GALNTL6: variants seen among roughly 807,000 people sequenced by gnomAD.
GALNTL6 encodes polypeptide N-acetylgalactosaminyltransferase-like 6.
In GALNTL6, 46 loss-of-function variants were observed where a neutral mutation model predicts 73.7. The ratio of observed to expected loss-of-function variants is 0.62; its 90% CI spans 0.49 to 0.80. The LOEUF (loss-of-function observed/expected upper bound fraction) is 0.80, where lower values mean the gene tolerates loss of function less well. Ranked by LOEUF, GALNTL6 falls within the 30% of genes least tolerant of loss-of-function variation. The pLI, the probability that GALNTL6 is intolerant of heterozygous loss-of-function variation, is 0.00. For missense variants in GALNTL6, 604 were observed against 755.0 expected (o/e 0.80, Z 2.34); for synonymous variants, 259 against 263.7 (o/e 0.98, Z 0.17).
chr4:171,986,037 C>CT (rs1740067001), intron 2 of GALNTL6, among the ~76,000 whole-genome samples: 1 of 82,126 alleles, frequency 1.2e-5, no homozygotes, highest in Admixed American at 1.7e-4. Flanking sequence ...GACTCTGTCT[C>CT]AAAAAAAAAA....
At chr4:171,881,170 C>T (rs1736436571) in intron 2 of GALNTL6, among the ~76,000 whole-genome samples, 1 of 152,168 alleles carries the variant, frequency 6.6e-6, no homozygotes, top group South Asian at 2.1e-4. Flanking sequence ...TAAACCTGCC[C>T]ATCAGAAGAC....
At chr4:172,302,740 G>A (rs1031531174) in intron 3 of GALNTL6, among the ~76,000 whole-genome samples, 1 of 151,768 alleles carries the variant, frequency 6.6e-6, no homozygotes, top group Non-Finnish European at 1.5e-5. Flanking sequence ...TGTGCCTGGA[G>A]TTTTCAACTT....
intron 5 of GALNTL6, among the ~76,000 whole-genome samples, chr4:172,628,645 G>A (rs778630685): frequency 6.6e-6 from 1 of 151,932 alleles, no homozygotes; most frequent in Non-Finnish European, 1.5e-5. Context: ...AGCAGAGATG[G>A]TATATCTCTG....
chr4:172,947,209 C>T (rs919326449), intron 9 of GALNTL6, among the ~76,000 whole-genome samples: 2 of 151,924 alleles, frequency 1.3e-5, no homozygotes, highest in African/African-American at 4.8e-5. Flanking sequence ...GTTGATGCAC[C>T]GAGAGACATT....
intron 2 of GALNTL6, among the ~76,000 whole-genome samples, chr4:172,188,422 T>G (rs1355467863): frequency 6.6e-6 from 1 of 152,178 alleles, no homozygotes; most frequent in Non-Finnish European, 1.5e-5. Flanking sequence ...GAGTATATGT[T>G]GAGCAACTAC....
chr4:172,443,583 T>C (rs536473612), intron 5 of GALNTL6, among the ~76,000 whole-genome samples: 2 of 152,264 alleles, frequency 1.3e-5, no homozygotes, highest in South Asian at 4.1e-4. Context: ...AGTAATATTA[T>C]AGCCCCTTTT....
At chr4:171,916,191 A>T (rs111501403) in intron 2 of GALNTL6, among the ~76,000 whole-genome samples, 133 of 152,198 alleles carry the variant, frequency 8.7e-4, no homozygotes, top group African/African-American at 2.8e-3. Flanking sequence ...ATACATGTAT[A>T]CAACGTTTAA....
chr4:172,928,724 A>G (rs1748182510), intron 8 of GALNTL6, among the ~76,000 whole-genome samples: 1 of 152,220 alleles, frequency 6.6e-6, no homozygotes, highest in African/African-American at 2.4e-5. Flanking sequence ...TTCTTTGAAA[A>G]GGCTATCTCT....
chr4:172,882,720 T>C (rs1431395644), intron 7 of GALNTL6, 70 bp from the exon 8 acceptor site: 2 of 1,060,312 alleles, frequency 1.9e-6, no homozygotes, highest in African/African-American at 3.1e-5. Context: ...AATTTTACTT[T>C]TTTCCCAAGG....
chr4:172,649,176 G>A (rs536491482), intron 5 of GALNTL6, among the ~76,000 whole-genome samples: 5 of 151,888 alleles, frequency 3.3e-5, no homozygotes, highest in Non-Finnish European at 7.4e-5. Flanking sequence ...TATATATTAC[G>A]AGTCACATTC....
chr4:171,925,504 G>C (rs962319732), intron 2 of GALNTL6, among the ~76,000 whole-genome samples: 1 of 152,070 alleles, frequency 6.6e-6, no homozygotes, highest in South Asian at 2.1e-4. Flanking sequence ...GAAAAAACTA[G>C]GTGTCTAAGA....
chr4:172,867,809 T>G (rs1744734351), intron 7 of GALNTL6, among the ~76,000 whole-genome samples: 1 of 152,156 alleles, frequency 6.6e-6, no homozygotes. Context: ...ACAGGGAACA[T>G]TATGACCACA....
chr4:172,469,966 G>A (rs1383390447), intron 5 of GALNTL6, among the ~76,000 whole-genome samples: 1 of 152,122 alleles, frequency 6.6e-6, no homozygotes, highest in African/African-American at 2.4e-5. Context: ...TTGAAGAAAT[G>A]TAGCACAGCT....
chr4:171,941,335 G>T (rs913707907), intron 2 of GALNTL6, among the ~76,000 whole-genome samples: 3 of 152,138 alleles, frequency 2.0e-5, no homozygotes, highest in African/African-American at 7.2e-5. Context: ...AGAAAAATTA[G>T]CCTATGCAAT....
intron 8 of GALNTL6, among the ~76,000 whole-genome samples, chr4:172,913,506 C>T (rs1000287485): frequency 1.1e-4 from 16 of 152,190 alleles, no homozygotes; most frequent in East Asian, 3.9e-4. Flanking sequence ...AAAGATTAGA[C>T]GAATGGCTAA....
At position 172,529,010 on chromosome 4, in the gene GALNTL6, C is replaced by CACAG. The variant is rs1554032895; in HGVS notation, c.553+180324_553+180325insGACA. ...ATGTGTGTATATATATATATATACA[C>CACAG]ACACACACACACATATATATATATA... On this transcript the variant is annotated intron_variant, in intron 5 of 12. Coordinates refer to ENST00000506823, the MANE Select transcript of GALNTL6 (RefSeq NM_001034845.3). Among the ~76,000 whole-genome samples, 68 of 106,866 alleles carry CACAG rather than the reference C, an allele frequency of 6.4e-4. 3 individuals carry two copies. The highest frequency in any genetic ancestry group is 1.5e-3 in the Admixed American group (13 of 8,916). The allele number at this position is 106,866 out of a possible 152,430, so 70.1% of individuals were successfully genotyped here. A position where few individuals can be genotyped will look rare whatever the true frequency, so the allele number is the denominator to read the frequency against.
intron 8 of GALNTL6, among the ~76,000 whole-genome samples, chr4:172,918,414 T>A (rs933691743): frequency 2.6e-5 from 4 of 151,898 alleles, no homozygotes; most frequent in South Asian, 2.1e-4. Context: ...AAATAAAAAA[T>A]AAAGAATTTG....
At chr4:172,530,273 C>T (rs1260152519) in intron 5 of GALNTL6, among the ~76,000 whole-genome samples, 1 of 151,926 alleles carries the variant, frequency 6.6e-6, no homozygotes, top group South Asian at 2.1e-4. Flanking sequence ...TTTTTAAACA[C>T]TCAGCCCTTT....
rs975859537 is a variant in GALNTL6 at position 172,438,262 on chromosome 4, A to G, written c.553+89573A>G. 8.6e-5 allele frequency among the ~76,000 whole-genome samples: 13 copies of G among 151,960 alleles called. 1 individual carries two copies. Among genetic ancestry groups the G allele is most frequent in the Non-Finnish European group, 1.5e-5 (1 of 67,976 alleles). On this transcript the variant is annotated intron_variant, in intron 5 of 12. Coordinates refer to ENST00000506823, the MANE Select transcript of GALNTL6 (RefSeq NM_001034845.3). Reference sequence around the variant, plus strand: ...TGTCCTCCAGATGACTATGACTTCCACTCACCTTCAGGCAATCATATGGTC... The same window carrying G: ...TGTCCTCCAGATGACTATGACTTCCGCTCACCTTCAGGCAATCATATGGTC...
Sources: gnomAD v4.1 joint callset for allele counts (sites outside exome capture counted in the v4.1 genomes callset) on GRCh38, gnomAD v4.1.1 for gene constraint, MANE v1.5 for transcripts, NCBI Gene and HGNC (gene_info 2026-07-23, HGNC 2026-07-21) for gene names.